The following PRIM1 variants were observed in gnomAD, a reference collection of about 807,000 sequenced individuals.
PRIM1 encodes DNA primase subunit 1.
In PRIM1, 38 loss-of-function variants were observed where a neutral mutation model predicts 60.2. The ratio of observed to expected loss-of-function variants is 0.63; its 90% CI spans 0.49 to 0.83. The LOEUF (loss-of-function observed/expected upper bound fraction) is 0.83, where lower values mean the gene tolerates loss of function less well. PRIM1 is among the 40% of genes least tolerant of loss of function. The pLI is 0.00. For synonymous variants in PRIM1, 158 were observed against 160.2 expected, an observed-to-expected ratio of 0.99 and a Z score of 0.10; for missense variants, 388 against 506.2, an observed-to-expected ratio of 0.77 and a Z score of 2.24.
intron 12 of PRIM1, among the ~76,000 whole-genome samples, chr12:56,733,731 A>C (rs2137856376): frequency 6.6e-6 from 1 of 152,008 alleles, no homozygotes; most frequent in East Asian, 1.9e-4. Context: ...CTGGGATTAC[A>C]GGTGCCTGCC....
intron 7 of PRIM1, among the ~76,000 whole-genome samples, chr12:56,742,273 C>A (rs1378613152): frequency 6.7e-6 from 1 of 149,846 alleles, no homozygotes. Context: ...CAACCCACCC[C>A]ACAAATGTTA....
rs1565906994 is a variant in PRIM1 at position 56,746,995 on chromosome 12, T to A, written c.299A>T (p.Gln100Leu). 1 of 1,613,624 alleles carries A rather than the reference T, an allele frequency of 6.2e-7. No homozygotes were observed. Among genetic ancestry groups the A allele is most frequent in the Non-Finnish European group, 8.5e-7 (1 of 1,179,678 alleles). The stretch of plus-strand genomic sequence containing the variant: ...AAATACCAGTTCTTTTTCCTGAGCC[T>A]GGAAAGCTCCCAGCTTCACTGTATT... ...QHNTVKLGAF[Q>L]AQEKELVFDI... The change falls in exon 3 of 13, where the codon CAG (glutamine) becomes CTG (leucine). Residue 100 changes from glutamine to leucine, a missense_variant. Coordinates refer to ENST00000338193, the MANE Select transcript of PRIM1 (RefSeq NM_000946.3).
intron 2 of PRIM1, among the ~76,000 whole-genome samples, chr12:56,750,750 C>T (rs1408195654): frequency 1.3e-5 from 2 of 152,182 alleles, no homozygotes; most frequent in South Asian, 2.1e-4. Context: ...CCACCACGCC[C>T]GGCTAATTAT....
In PRIM1 at chr12:56,750,960, C is replaced by G; in HGVS notation, c.261+78G>C. 3 of 1,020,394 alleles carry G rather than the reference C, an allele frequency of 2.9e-6. No individual in the cohort carries two copies. The South Asian group carries it at 9.9e-5, about 34-fold the overall frequency. The allele number at this position is 1,020,394 out of a possible 1,614,324, so 63.2% of individuals were successfully genotyped here. ...CTAGAATAAACTCTAAAAATTTAATCTCAAAACGCAAGAGGAATCAACCCA... is the reference window on the plus strand; with the variant it reads ...CTAGAATAAACTCTAAAAATTTAATGTCAAAACGCAAGAGGAATCAACCCA... On this transcript the variant is annotated intron_variant, in intron 2 of 12. Coordinates refer to ENST00000338193, the MANE Select transcript of PRIM1 (RefSeq NM_000946.3).
intron 7 of PRIM1, among the ~76,000 whole-genome samples, chr12:56,742,346 G>A (rs571463894): frequency 6.6e-6 from 1 of 151,946 alleles, no homozygotes; most frequent in Non-Finnish European, 1.5e-5. Flanking sequence ...TATTTTGGGA[G>A]GCTGAGGTGG....
chr12:56,744,744 T>A (rs952151990), intron 5 of PRIM1, among the ~76,000 whole-genome samples: 3 of 150,080 alleles, frequency 2.0e-5, no homozygotes, highest in Non-Finnish European at 3.0e-5. Context: ...TTTTGCAAAG[T>A]GATGTATTTC....
intron 9 of PRIM1, among the ~76,000 whole-genome samples, chr12:56,739,600 C>A (rs1238355072): frequency 2.0e-5 from 3 of 152,156 alleles, no homozygotes; most frequent in Non-Finnish European, 4.4e-5. Context: ...GTAGCATGGT[C>A]ATAGCTCACT....
At chr12:56,742,133 A>T (rs1244443582) in intron 7 of PRIM1, 4 of 359,598 alleles carry the variant, frequency 1.1e-5, no homozygotes, top group Non-Finnish European at 1.0e-5. Flanking sequence ...CACATCTGTA[A>T]TCCTAGCTAC....
At position 56,731,604 on chromosome 12, in the gene PRIM1, T is replaced by G; in HGVS notation, c.*111A>C. On this transcript the variant is annotated 3_prime_UTR_variant, in exon 13 of 13. Coordinates refer to ENST00000338193, the MANE Select transcript of PRIM1 (RefSeq NM_000946.3). ...ATTATTTCTCAAGGAAAATTTACTT[T>G]GAGGTTTAAGACACATATATAGTTC... 1 of 1,057,550 alleles carries G rather than the reference T, an allele frequency of 9.5e-7. No homozygotes were observed. The highest frequency in any genetic ancestry group is 1.3e-6 in the Non-Finnish European group (1 of 742,762). 65.5% of individuals were successfully genotyped at this position (1,057,550 alleles called of 1,614,324 possible).
At position 56,731,699 on chromosome 12, in the gene PRIM1, T is replaced by C. The variant is rs1284397766; in HGVS notation, c.*16A>G. 30 of 1,511,636 alleles carry C rather than the reference T, an allele frequency of 2.0e-5. No individual in the cohort carries two copies. Among genetic ancestry groups the C allele is most frequent in the Non-Finnish European group, 2.7e-5 (30 of 1,114,154 alleles). The allele number at this position is 1,511,636 out of a possible 1,614,324, so 93.6% of individuals were successfully genotyped here. A position where few individuals can be genotyped will look rare whatever the true frequency, so the allele number is the denominator to read the frequency against. On this transcript the variant is annotated 3_prime_UTR_variant, in exon 13 of 13. Coordinates refer to ENST00000338193, the MANE Select transcript of PRIM1 (RefSeq NM_000946.3). ...GAAGGCAGAAGATATCCACAATGGT[T>C]TGAGGAGCTCTGTCTTCAGAAATCT...
chr12:56,741,326 C>T (rs1231288710), intron 9 of PRIM1, 109 bp downstream of exon 9: 3 of 1,202,048 alleles, frequency 2.5e-6, no homozygotes, highest in Non-Finnish European at 3.4e-6. Context: ...AGCAATTCTT[C>T]TACCTTTAAA....
At chr12:56,738,047 T>C (rs982965967) in intron 11 of PRIM1, among the ~76,000 whole-genome samples, 2 of 152,238 alleles carry the variant, frequency 1.3e-5, no homozygotes, top group Non-Finnish European at 1.5e-5. Context: ...TTCTTGAATA[T>C]ACAACTTGGT....
In PRIM1 at chr12:56,731,680, A is replaced by G. The variant is rs1281626883; in HGVS notation, c.*35T>C. The G allele has an allele frequency of 2.7e-6, 4 of 1,494,610 alleles. No individual in the cohort carries two copies. Among genetic ancestry groups the G allele is most frequent in the Non-Finnish European group, 2.7e-6 (3 of 1,100,706 alleles). 92.6% of individuals were successfully genotyped at this position (1,494,610 alleles called of 1,614,324 possible). On this transcript the variant is annotated 3_prime_UTR_variant, in exon 13 of 13. Transcript: ENST00000338193. ...AAGTATTTGATCTGTGGTTGAAGGCAGAAGATATCCACAATGGTTTGAGGA... is the reference window on the plus strand; with the variant it reads ...AAGTATTTGATCTGTGGTTGAAGGCGGAAGATATCCACAATGGTTTGAGGA...
At chr12:56,732,539 C>T (rs1332552764) in intron 12 of PRIM1, among the ~76,000 whole-genome samples, 1 of 152,166 alleles carries the variant, frequency 6.6e-6, no homozygotes, top group African/African-American at 2.4e-5. Context: ...CATTCCCTTC[C>T]TCAGAACTTT....
intron 11 of PRIM1, among the ~76,000 whole-genome samples, 162 bp downstream of exon 11, chr12:56,738,272 C>A (rs1161121688): frequency 6.6e-6 from 1 of 152,196 alleles, no homozygotes; most frequent in African/African-American, 2.4e-5. Flanking sequence ...TTCAATAACA[C>A]CACTTGGGCT....
At chr12:56,732,042 A>G (rs995854545) in intron 12 of PRIM1, among the ~76,000 whole-genome samples, 1 of 152,242 alleles carries the variant, frequency 6.6e-6, no homozygotes, top group Non-Finnish European at 1.5e-5. Context: ...ACTACTGCTT[A>G]AACTATCACA....
At chr12:56,745,832 G>A (rs753238690) in intron 5 of PRIM1, among the ~76,000 whole-genome samples, 3 of 151,788 alleles carry the variant, frequency 2.0e-5, no homozygotes, top group Non-Finnish European at 2.9e-5. Context: ...CCAGCTACTC[G>A]GGAGGCTGAG....
intron 4 of PRIM1, 102 bp downstream of exon 4, chr12:56,746,678 AT>A (rs2137867113): frequency 1.2e-4 from 94 of 782,550 alleles, no homozygotes; most frequent in Non-Finnish European, 1.6e-4. Flanking sequence ...ACACACACAA[AT>A]TAATGAGATT....
intron 7 of PRIM1, among the ~76,000 whole-genome samples, chr12:56,742,438 G>A (rs888041253): frequency 1.3e-5 from 2 of 152,008 alleles, no homozygotes; most frequent in Admixed American, 6.6e-5. Flanking sequence ...GCGTGGTGGC[G>A]TGTGCCTGCA....
Sources: allele counts gnomAD v4.1 joint callset (sites outside exome capture counted in the v4.1 genomes callset), GRCh38; gene constraint gnomAD v4.1.1; transcripts MANE v1.5; gene names NCBI Gene and HGNC (gene_info 2026-07-23, HGNC 2026-07-21).